The following DNAAF11 variants were observed in gnomAD, a reference collection of about 807,000 sequenced individuals.
DNAAF11 encodes the protein leucine rich repeat containing 6.
DNAAF11 carries 45 observed loss-of-function variants against 60.8 expected under a neutral mutation model. The observed-to-expected ratio is 0.74, with a 90% CI of 0.58 to 0.95. The LOEUF (loss-of-function observed/expected upper bound fraction) is 0.95, where lower values mean the gene tolerates loss of function less well. Ranked by LOEUF, DNAAF11 falls within the 40% of genes least tolerant of loss-of-function variation. The pLI is 0.00. For missense variants in DNAAF11, 546 were observed against 546.2 expected, an observed-to-expected ratio of 1.00 and a Z score of 0.00; for synonymous variants, 191 against 183.5, an observed-to-expected ratio of 1.04 and a Z score of -0.33.
chr8:132,701,487 T>A, the DNAAF11 span, among the ~76,000 whole-genome samples: 1 of 152,162 alleles, frequency 6.6e-6, no homozygotes, highest in Non-Finnish European at 1.5e-5. Flanking sequence ...TTTCTGTTAT[T>A]CAGGCAGAGG....
intron 11 of DNAAF11, among the ~76,000 whole-genome samples, chr8:132,573,253 A>C (rs1586436949): frequency 6.6e-6 from 1 of 152,186 alleles, no homozygotes; most frequent in South Asian, 2.1e-4. Flanking sequence ...GATATTGATA[A>C]TCAGTCAAAT....
chr8:132,677,661 T>C (rs1825808752), upstream of DNAAF11, among the ~76,000 whole-genome samples: 1 of 152,056 alleles, frequency 6.6e-6, no homozygotes, highest in Non-Finnish European at 1.5e-5. Flanking sequence ...GGAGTACTGC[T>C]TGAGCCCAGG....
chr8:132,643,197 A>G (rs1822031455), intron 3 of DNAAF11, among the ~76,000 whole-genome samples: 2 of 152,226 alleles, frequency 1.3e-5, no homozygotes, highest in African/African-American at 4.8e-5. Context: ...TTCTCTACCC[A>G]GGGTTTGGGG....
At chr8:132,689,979 G>C in the DNAAF11 span, among the ~76,000 whole-genome samples, 4 of 152,038 alleles carry the variant, frequency 2.6e-5, no homozygotes, top group East Asian at 1.9e-4. Flanking sequence ...GCCTCCCAAA[G>C]GGCTGGGATT....
At chr8:132,675,313 A>C in intron 1 of DNAAF11, 171 bp downstream of exon 1, 1 of 630,246 alleles carries the variant, frequency 1.6e-6, no homozygotes, top group Non-Finnish European at 2.7e-6. Context: ...CAGTCTGCAG[A>C]GGACCTGGTG....
chr8:132,700,305 A>C, the DNAAF11 span, among the ~76,000 whole-genome samples: 1 of 152,146 alleles, frequency 6.6e-6, no homozygotes, highest in East Asian at 1.9e-4. Context: ...GCCAGCAGGA[A>C]TGAGTGCAGC....
At chr8:132,624,282 T>C (rs1473006039) in intron 6 of DNAAF11, among the ~76,000 whole-genome samples, 1 of 152,086 alleles carries the variant, frequency 6.6e-6, no homozygotes, top group Non-Finnish European at 1.5e-5. Context: ...GGTATGATAA[T>C]CCCTGTTTAG....
chr8:132,590,859 AC>A (rs2131070979), intron 10 of DNAAF11, among the ~76,000 whole-genome samples: 1 of 152,346 alleles, frequency 6.6e-6, no homozygotes, highest in South Asian at 2.1e-4. Flanking sequence ...CTGTGGATGA[AC>A]CAGAAAAATG....
chr8:132,596,131 A>C (rs2131121069), intron 10 of DNAAF11, among the ~76,000 whole-genome samples: 1 of 152,330 alleles, frequency 6.6e-6, no homozygotes, highest in South Asian at 2.1e-4. Context: ...GATATCAGCA[A>C]GATAGCAGGA....
chr8:132,663,343 A>C (rs1232275308), intron 1 of DNAAF11, among the ~76,000 whole-genome samples: 1 of 152,198 alleles, frequency 6.6e-6, no homozygotes, highest in Non-Finnish European at 1.5e-5. Context: ...TCCTAACCAA[A>C]GTTGGTTCTA....
intron 10 of DNAAF11, among the ~76,000 whole-genome samples, chr8:132,590,145 C>A (rs1816312965): frequency 6.6e-6 from 1 of 152,216 alleles, no homozygotes; most frequent in Non-Finnish European, 1.5e-5. Context: ...TCACTATCCA[C>A]AGAACCCTGC....
rs962435961 is a variant in DNAAF11, at chr8:132,645,835, T to C, written c.257-7728A>G. ...AAATCCTCCAAGAAATATGGGACTA[T>C]GTGAAAAGACCAAATCTACATCTGA... On this transcript the variant is annotated intron_variant, in intron 3 of 11. Coordinates refer to ENST00000620350, the MANE Select transcript of DNAAF11 (RefSeq NM_012472.6). Among the ~76,000 whole-genome samples the C allele has an allele frequency of 3.3e-5, 5 of 152,150 alleles. No homozygotes were observed. The South Asian group carries it at 1.0e-3, about 32-fold the overall frequency.
At chr8:132,657,780 T>C (rs535634844) in intron 2 of DNAAF11, among the ~76,000 whole-genome samples, 1 of 152,342 alleles carries the variant, frequency 6.6e-6, no homozygotes, top group South Asian at 2.1e-4. Flanking sequence ...TATTACCTTA[T>C]TTAATCCTCA....
chr8:132,596,756 G>A (rs1007196678), intron 10 of DNAAF11, among the ~76,000 whole-genome samples: 19 of 152,142 alleles, frequency 1.2e-4, no homozygotes, highest in Non-Finnish European at 2.5e-4. Flanking sequence ...TTCAATATCA[G>A]GAACACTGGA....
intron 4 of DNAAF11, among the ~76,000 whole-genome samples, chr8:132,637,047 T>C (rs906391241): frequency 6.6e-6 from 1 of 152,158 alleles, no homozygotes; most frequent in Non-Finnish European, 1.5e-5. Flanking sequence ...AACATTGCTA[T>C]CTTAATATTC....
At chr8:132,695,709 G>C in the DNAAF11 span, among the ~76,000 whole-genome samples, 1 of 149,714 alleles carries the variant, frequency 6.7e-6, no homozygotes, top group Non-Finnish European at 1.5e-5. Flanking sequence ...ACACCATGAG[G>C]CTGTGGTTAT....
intron 8 of DNAAF11, among the ~76,000 whole-genome samples, chr8:132,613,485 T>G (rs1351971183): frequency 2.0e-5 from 3 of 152,296 alleles, no homozygotes; most frequent in East Asian, 3.9e-4. Flanking sequence ...TAGGCAAATC[T>G]ATAGAGACAG....
chr8:132,598,317 C>T (rs994522986), intron 10 of DNAAF11, among the ~76,000 whole-genome samples: 2 of 152,124 alleles, frequency 1.3e-5, no homozygotes, highest in Non-Finnish European at 2.9e-5. Context: ...CTAGTGTTTT[C>T]TATGACATGA....
intron 7 of DNAAF11, 150 bp from the exon 8 acceptor site, chr8:132,615,247 C>G (rs182830760): frequency 2.0e-6 from 1 of 487,854 alleles, no homozygotes; most frequent in African/African-American, 2.0e-5. Context: ...CAAATATCAA[C>G]GGTAATTTTA....
Sources: gnomAD v4.1 joint callset for allele counts (sites outside exome capture counted in the v4.1 genomes callset) on GRCh38, gnomAD v4.1.1 for gene constraint, MANE v1.5 for transcripts, NCBI Gene and HGNC (gene_info 2026-07-23, HGNC 2026-07-21) for gene names.